The following ABLIM1 variants were observed in gnomAD, a reference collection of about 807,000 sequenced individuals.
The protein encoded by ABLIM1 is actin binding LIM protein 1.
Under a neutral mutation model 107.0 loss-of-function variants are expected in ABLIM1, and 40 were observed. The ratio of observed to expected loss-of-function variants is 0.37; its 90% confidence interval spans 0.29 to 0.49. ABLIM1 has a LOEUF of 0.49. Among genes scored for constraint, ABLIM1 ranks in the 20% least tolerant of loss-of-function variants. The pLI is 0.97. For missense variants in ABLIM1, 857 were observed against 1,008.5 expected (o/e 0.85, Z 2.04); for synonymous variants, 357 against 357.3 (o/e 1.00, Z 0.01).
In ABLIM1 at chr10:114,465,466, G is replaced by A. The variant is rs750738769; in HGVS notation, c.1441+232C>T. On this transcript the variant is annotated intron_variant, in intron 12 of 22. Coordinates refer to ENST00000533213, the MANE Select transcript of ABLIM1 (RefSeq NM_002313.7). ...AAAAACCCCTTGCTTCCAGTAGCTC[G>A]CTGTCAAAATATAATTATTTAATAA... 3.8e-5 allele frequency: 15 copies of A among 399,680 alleles called. No individual in the cohort carries two copies. In the East Asian group the frequency reaches 4.8e-4, roughly 13 times the overall value. 24.8% of individuals were successfully genotyped at this position (399,680 alleles called of 1,614,324 possible).
chr10:114,584,966 G>A (rs1487664024), intron 2 of ABLIM1, among the ~76,000 whole-genome samples: 12 of 151,706 alleles, frequency 7.9e-5, no homozygotes, highest in Non-Finnish European at 1.5e-5. Flanking sequence ...AACAGCTCAA[G>A]AAACAATGAT....
At chr10:114,752,747 A>G (rs548520324) in intron 1 of ABLIM1, among the ~76,000 whole-genome samples, 3 of 152,270 alleles carry the variant, frequency 2.0e-5, no homozygotes, top group Admixed American at 2.0e-4. Flanking sequence ...AGCTCCATCC[A>G]TGTCCCTGAA....
intron 12 of ABLIM1, chr10:114,463,179 G>A: frequency 7.9e-7 from 1 of 1,261,780 alleles, no homozygotes; most frequent in Non-Finnish European, 1.0e-6. Context: ...GCAGCAAGGA[G>A]TCAGGGGCAG....
At chr10:114,762,822 C>T (rs1566315325) in intron 1 of ABLIM1, among the ~76,000 whole-genome samples, 1 of 152,208 alleles carries the variant, frequency 6.6e-6, no homozygotes, top group Non-Finnish European at 1.5e-5. Flanking sequence ...ATGGCCATCC[C>T]TCCAGACCAG....
intron 3 of ABLIM1, among the ~76,000 whole-genome samples, chr10:114,573,786 C>T (rs1336762875): frequency 6.6e-6 from 1 of 152,130 alleles, no homozygotes; most frequent in Non-Finnish European, 1.5e-5. Context: ...AGGCAATTGT[C>T]TGGAAAAAGC....
In ABLIM1 at chr10:114,477,974, G is replaced by C. The variant is rs187704357; in HGVS notation, c.1042-4018C>G. 3.4e-4 allele frequency among the ~76,000 whole-genome samples: 52 copies of C among 152,086 alleles called. No individual in the cohort carries two copies. The Middle Eastern group carries it at 0.01, about 30-fold the overall frequency. On this transcript the variant is annotated intron_variant, in intron 8 of 22. Coordinates refer to ENST00000533213, the MANE Select transcript of ABLIM1 (RefSeq NM_002313.7). The stretch of plus-strand genomic sequence containing the variant: ...CCTGACCTCATGATTTGCCTGCCTC[G>C]GCCTCCCAAAGTGCTGGGATTACAG...
At chr10:114,632,260 C>T in intron 1 of ABLIM1, 1 of 985,432 alleles carries the variant, frequency 1.0e-6, no homozygotes, top group Non-Finnish European at 1.2e-6. Flanking sequence ...TCACTGACAC[C>T]ACCTTGTATT....
At chr10:114,704,300 C>CTATATATATATATA (rs1192514543) in intron 1 of ABLIM1, among the ~76,000 whole-genome samples, 2 of 28,882 alleles carry the variant, frequency 6.9e-5, no homozygotes, top group African/African-American at 1.4e-4. Flanking sequence ...CTCTCTCTCT[C>CTATATATATATATA]TCTATATATA....
chr10:114,719,802 CCT>C (rs1437657216), intron 1 of ABLIM1, among the ~76,000 whole-genome samples: 3 of 152,146 alleles, frequency 2.0e-5, no homozygotes, highest in Non-Finnish European at 4.4e-5. Flanking sequence ...TTCAGAATCC[CCT>C]CTCTTTAATC....
intron 12 of ABLIM1, 67 bp from the exon 13 acceptor site, chr10:114,453,550 G>A (rs2062245747): frequency 1.5e-6 from 2 of 1,337,456 alleles, no homozygotes; most frequent in Admixed American, 2.8e-5. Flanking sequence ...AACAAAGCAA[G>A]TGTAATAAAA....
chr10:114,530,765 CTT>C (rs1565846419), intron 6 of ABLIM1, among the ~76,000 whole-genome samples: 1 of 152,148 alleles, frequency 6.6e-6, no homozygotes, highest in Non-Finnish European at 1.5e-5. Flanking sequence ...AACTTCTGAA[CTT>C]AGGTGATATG....
intron 1 of ABLIM1, among the ~76,000 whole-genome samples, chr10:114,631,247 C>T (rs187279313): frequency 4.6e-5 from 7 of 152,202 alleles, no homozygotes; most frequent in Non-Finnish European, 7.3e-5. Flanking sequence ...TTCAGGACCA[C>T]GCCTAGTGCA....
chr10:114,518,497 A>C (rs922246003), intron 6 of ABLIM1, among the ~76,000 whole-genome samples: 1 of 151,946 alleles, frequency 6.6e-6, no homozygotes, highest in African/African-American at 2.4e-5. Flanking sequence ...GTAAATGAAC[A>C]GACGTGGTCC....
At chr10:114,755,159 C>T (rs942421842) in intron 1 of ABLIM1, among the ~76,000 whole-genome samples, 1 of 152,206 alleles carries the variant, frequency 6.6e-6, no homozygotes, top group African/African-American at 2.4e-5. Context: ...ACGCCACCTC[C>T]TGTCAGATCA....
intron 1 of ABLIM1, among the ~76,000 whole-genome samples, chr10:114,725,735 A>ATGTGTGTGTGTGTG (rs3981295): frequency 7.0e-6 from 1 of 142,266 alleles, no homozygotes; most frequent in South Asian, 2.3e-4. Context: ...TATATATAAA[A>ATGTGTGTGTGTGTG]TGTGTGTGTG....
chr10:114,702,525 C>CT (rs11374796), intron 1 of ABLIM1, among the ~76,000 whole-genome samples: 15,326 of 129,512 alleles, frequency 0.12, 1,497 homozygotes, highest in African/African-American at 0.22. Context: ...AGTAAGAACA[C>CT]TTTTTTTTTT....
chr10:114,787,388 C>G, the ABLIM1 span, among the ~76,000 whole-genome samples: 4 of 151,620 alleles, frequency 2.6e-5, no homozygotes, highest in East Asian at 7.9e-4. Flanking sequence ...GCAGCCACCC[C>G]GTCCGGGAGG....
At chr10:114,596,870 G>A (rs988807659) in intron 2 of ABLIM1, among the ~76,000 whole-genome samples, 4 of 152,054 alleles carry the variant, frequency 2.6e-5, no homozygotes, top group Non-Finnish European at 4.4e-5. Flanking sequence ...CTTTCTAGGG[G>A]AAATCAACCT....
chr10:114,606,675 C>T (rs115028756), intron 1 of ABLIM1, among the ~76,000 whole-genome samples: 363 of 152,320 alleles, frequency 2.4e-3, no homozygotes, highest in African/African-American at 7.7e-3. Context: ...TGGAACAACA[C>T]GGTGCTTGAT....
Sources: allele counts gnomAD v4.1 joint callset (sites outside exome capture counted in the v4.1 genomes callset), GRCh38; gene constraint gnomAD v4.1.1; transcripts MANE v1.5; gene names NCBI Gene and HGNC (gene_info 2026-07-23, HGNC 2026-07-21).